Variants in SRRM4 observed in about 807,000 individuals in gnomAD.
SRRM4 encodes serine/arginine repetitive matrix protein 4.
SRRM4 carries 33 observed loss-of-function variants against 68.9 expected under a neutral mutation model. That is an observed-to-expected ratio of 0.48 (90% confidence interval 0.36 to 0.64). The LOEUF (loss-of-function observed/expected upper bound fraction) is 0.64. Ranked by LOEUF, SRRM4 falls within the 30% of genes least tolerant of loss-of-function variation. SRRM4 has a pLI of 0.00. For synonymous variants in SRRM4, 318 were observed against 318.8 expected (o/e 1.00, Z 0.03); for missense variants, 817 against 827.1 (o/e 0.99, Z 0.15).
intron 4 of SRRM4, among the ~76,000 whole-genome samples, chr12:119,117,999 G>A (rs747150066): frequency 2.1e-4 from 32 of 152,304 alleles, no homozygotes; most frequent in South Asian, 1.2e-3. Context: ...CTTTATAATT[G>A]GAAGATTCTG....
chr12:119,076,401 A>C (rs1021213722), intron 1 of SRRM4, among the ~76,000 whole-genome samples: 2 of 152,194 alleles, frequency 1.3e-5, no homozygotes, highest in African/African-American at 4.8e-5. Flanking sequence ...TCAGAATTCC[A>C]GGAGATGGAA....
At chr12:119,147,793 T>C (rs912529651) in intron 9 of SRRM4, among the ~76,000 whole-genome samples, 9 of 152,240 alleles carry the variant, frequency 5.9e-5, no homozygotes, top group Admixed American at 2.0e-4. Flanking sequence ...ATGAGCCAGT[T>C]GTAATTCTAC....
chr12:119,130,594 T>G, intron 7 of SRRM4, 84 bp from the exon 8 acceptor site: 1 of 1,360,336 alleles, frequency 7.4e-7, no homozygotes. Flanking sequence ...CACTTTATCA[T>G]CCTCAGATCC....
intron 1 of SRRM4, among the ~76,000 whole-genome samples, chr12:119,096,735 CA>C (rs1400063032): frequency 2.6e-5 from 4 of 152,208 alleles, no homozygotes; most frequent in African/African-American, 9.7e-5. Flanking sequence ...TCTGATTCCC[CA>C]AACAGTGTTT....
intron 6 of SRRM4, among the ~76,000 whole-genome samples, 180 bp downstream of exon 6, chr12:119,122,300 A>AGGAAGGCAGGAAGGC (rs1565913366): frequency 1.2e-4 from 8 of 67,040 alleles, no homozygotes; most frequent in Non-Finnish European, 2.2e-4. Flanking sequence ...GGCAGGAAGG[A>AGGAAGGCAGGAAGGC]AGGAAGGAAG....
intron 1 of SRRM4, among the ~76,000 whole-genome samples, chr12:119,040,353 C>T (rs1004483741): frequency 6.6e-6 from 1 of 152,124 alleles, no homozygotes; most frequent in Non-Finnish European, 1.5e-5. Flanking sequence ...GTGTCCCTTC[C>T]ACTCTTCCCC....
intron 7 of SRRM4, among the ~76,000 whole-genome samples, chr12:119,128,715 G>C (rs138312680): frequency 4.6e-5 from 7 of 152,242 alleles, no homozygotes; most frequent in Admixed American, 2.6e-4. Flanking sequence ...TAGGCACCAG[G>C]TTAGTGTGAC....
chr12:119,026,542 A>T lies in SRRM4; in HGVS notation c.131+44529A>T, dbSNP rs185109273. Among the ~76,000 whole-genome samples the T allele has an allele frequency of 1.2e-3, 177 of 151,962 alleles. 2 individuals are homozygous for T. In the South Asian group the frequency reaches 0.012, roughly 11 times the overall value. On this transcript the variant is annotated intron_variant, in intron 1 of 12. Transcript: ENST00000267260. ...TAAATTAATTAATGTTTTTAATTTT[A>T]ATTTTTATTTATTTATTTATTTTTG... is the stretch of plus-strand genomic sequence containing the variant.
At chr12:119,018,036 TA>T (rs1176787298) in intron 1 of SRRM4, among the ~76,000 whole-genome samples, 60 of 152,122 alleles carry the variant, frequency 3.9e-4, no homozygotes, top group African/African-American at 1.4e-3. Flanking sequence ...ACAATGTCAA[TA>T]AAAGGCTTGA....
At chr12:119,105,732 G>A (rs1318723613) in intron 2 of SRRM4, among the ~76,000 whole-genome samples, 1 of 152,172 alleles carries the variant, frequency 6.6e-6, no homozygotes, top group Non-Finnish European at 1.5e-5. Context: ...CCCTTTGTCA[G>A]ATAGGTAGAT....
At chr12:119,045,693 G>A (rs1953702913) in intron 1 of SRRM4, among the ~76,000 whole-genome samples, 1 of 152,078 alleles carries the variant, frequency 6.6e-6, no homozygotes, top group Non-Finnish European at 1.5e-5. Flanking sequence ...CAGCTAATGA[G>A]CTGTAATTCT....
intron 1 of SRRM4, among the ~76,000 whole-genome samples, chr12:119,020,820 T>A (rs970504154): frequency 6.6e-6 from 1 of 152,160 alleles, no homozygotes; most frequent in Non-Finnish European, 1.5e-5. Flanking sequence ...AGGATTTTAT[T>A]TGGAACCCAG....
rs540768086 is a variant in SRRM4, at chr12:119,052,362, G to T, written c.132-49874G>T. Among the ~76,000 whole-genome samples, 4 of 152,232 alleles carry T rather than the reference G, an allele frequency of 2.6e-5. No individual in the cohort carries two copies. In the South Asian group the frequency reaches 6.2e-4, roughly 24 times the overall value. On this transcript the variant is annotated intron_variant, in intron 1 of 12. Transcript: ENST00000267260. ...CTCTCTGGTGATAACTGGGTGTGTG[G>T]ATATGTCAACATCCAATTTAGTGTT...
intron 1 of SRRM4, among the ~76,000 whole-genome samples, chr12:119,008,281 T>C (rs1424820856): frequency 6.6e-6 from 1 of 151,716 alleles, no homozygotes; most frequent in Non-Finnish European, 1.5e-5. Context: ...TCCCAGCTAC[T>C]TGGGAGACTG....
intron 6 of SRRM4, among the ~76,000 whole-genome samples, chr12:119,122,746 T>C (rs1324277956): frequency 6.6e-6 from 1 of 152,152 alleles, no homozygotes; most frequent in African/African-American, 2.4e-5. Flanking sequence ...TACCTGTGTA[T>C]ATTTTGTGCA....
At chr12:119,091,714 T>C (rs1226086616) in intron 1 of SRRM4, among the ~76,000 whole-genome samples, 1 of 151,962 alleles carries the variant, frequency 6.6e-6, no homozygotes, top group Admixed American at 6.6e-5. Context: ...TCAGGCAGAG[T>C]CTATCCGATG....
At chr12:119,135,711 A>G (rs1262734482) in intron 8 of SRRM4, among the ~76,000 whole-genome samples, 1 of 152,208 alleles carries the variant, frequency 6.6e-6, no homozygotes, top group Non-Finnish European at 1.5e-5. Context: ...TTTTCAATGG[A>G]GCTTCCATGA....
chr12:119,047,710 A>G (rs959768594), intron 1 of SRRM4, among the ~76,000 whole-genome samples: 1 of 152,212 alleles, frequency 6.6e-6, no homozygotes, highest in Non-Finnish European at 1.5e-5. Flanking sequence ...TTCCAACGTG[A>G]TGGTAGAAGT....
intron 1 of SRRM4, among the ~76,000 whole-genome samples, chr12:119,005,227 T>TTCTA (rs1312829609): frequency 6.6e-6 from 1 of 152,200 alleles, no homozygotes; most frequent in Non-Finnish European, 1.5e-5. Context: ...AGAGGATGGA[T>TTCTA]TCTAGTCTGT....
Sources: gnomAD v4.1 joint callset for allele counts (sites outside exome capture counted in the v4.1 genomes callset) on GRCh38, gnomAD v4.1.1 for gene constraint, MANE v1.5 for transcripts, NCBI Gene and HGNC (gene_info 2026-07-23, HGNC 2026-07-21) for gene names.